MYOM1: variants seen among roughly 807,000 people sequenced by gnomAD.
MYOM1 encodes myomesin-1.
Under a neutral mutation model 205.3 loss-of-function variants are expected in MYOM1, and 164 were observed. That is an observed-to-expected ratio of 0.80 (90% CI 0.70 to 0.91). The LOEUF (loss-of-function observed/expected upper bound fraction) is 0.91. Among genes scored for constraint, MYOM1 ranks in the 40% least tolerant of loss-of-function variants. MYOM1 has a pLI of 0.00. For missense variants in MYOM1, 2,011 were observed against 2,127.3 expected (o/e 0.95, Z 1.08); for synonymous variants, 772 against 789.4 (o/e 0.98, Z 0.37).
the MYOM1 span, among the ~76,000 whole-genome samples, chr18:3,228,792 T>C: frequency 2.0e-5 from 3 of 152,200 alleles, no homozygotes; most frequent in African/African-American, 7.2e-5. The surrounding 1 kb of genome is among the most constrained non-coding windows in gnomAD (Gnocchi z 4.5). Context: ...AGGCCACCAC[T>C]GACCTCTGTC....
intron 37 of MYOM1, among the ~76,000 whole-genome samples, chr18:3,068,715 G>A (rs946970699): frequency 6.6e-6 from 1 of 152,100 alleles, no homozygotes; most frequent in African/African-American, 2.4e-5. Context: ...TGTATCGATA[G>A]TTTATCCCTT....
chr18:3,214,376 T>C (rs2144256099), intron 2 of MYOM1, among the ~76,000 whole-genome samples: 1 of 152,270 alleles, frequency 6.6e-6, no homozygotes, highest in East Asian at 1.9e-4. Flanking sequence ...AATAGCAAAT[T>C]GGCAACACAA....
chr18:3,074,710 C>T (rs944355816), intron 36 of MYOM1, among the ~76,000 whole-genome samples: 4 of 152,190 alleles, frequency 2.6e-5, no homozygotes, highest in Non-Finnish European at 5.9e-5. Flanking sequence ...TAGCTTTTAT[C>T]TCGCAGGGGC....
At position 3,067,222 on chromosome 18, in the gene MYOM1, C is replaced by T. The variant is rs757323515; in HGVS notation, c.*40G>A. 1.3e-6 allele frequency: 2 copies of T among 1,543,656 alleles called. No individual in the cohort carries two copies. The highest frequency in any genetic ancestry group is 2.7e-5 in the African/African-American group (2 of 73,026). On this transcript the variant is annotated 3_prime_UTR_variant, in exon 38 of 38. Transcript: ENST00000356443. Reference sequence around the variant, plus strand: ...CATCCTTAACCCAAACCATTCACACCCAAGTCACACAGGCCGGCTGGCTCT... The same window carrying T: ...CATCCTTAACCCAAACCATTCACACTCAAGTCACACAGGCCGGCTGGCTCT...
At chr18:3,069,261 T>C (rs1459917820) in intron 37 of MYOM1, among the ~76,000 whole-genome samples, 2 of 152,190 alleles carry the variant, frequency 1.3e-5, no homozygotes, top group African/African-American at 2.4e-5. Context: ...AGGTGTGGTG[T>C]GATATTTCAT....
intron 36 of MYOM1, among the ~76,000 whole-genome samples, chr18:3,073,781 C>T (rs1339319190): frequency 6.6e-6 from 1 of 152,228 alleles, no homozygotes; most frequent in Non-Finnish European, 1.5e-5. Context: ...GCACCTTATG[C>T]AGGGGAGGGG....
At chr18:3,112,805 A>G (rs1014199747) in intron 21 of MYOM1, among the ~76,000 whole-genome samples, 1 of 152,174 alleles carries the variant, frequency 6.6e-6, no homozygotes, top group African/African-American at 2.4e-5. Flanking sequence ...TTTCCCCCCA[A>G]TCCTTTTGAG....
At chr18:3,140,346 G>T (rs1275702741) in intron 14 of MYOM1, among the ~76,000 whole-genome samples, 1 of 151,940 alleles carries the variant, frequency 6.6e-6, no homozygotes, top group African/African-American at 2.4e-5. Context: ...GGCGGAGGTT[G>T]CAGTGAGCTG....
At chr18:3,114,938 A>G (rs552912038) in intron 21 of MYOM1, among the ~76,000 whole-genome samples, 1 of 151,048 alleles carries the variant, frequency 6.6e-6, no homozygotes, top group South Asian at 2.1e-4. Context: ...ATTCTTTCAC[A>G]CATTTAAACT....
At chr18:3,151,461 A>T (rs2080220449) in intron 12 of MYOM1, among the ~76,000 whole-genome samples, 1 of 137,132 alleles carries the variant, frequency 7.3e-6, no homozygotes, top group Non-Finnish European at 1.6e-5. Context: ...AAAATAATAA[A>T]ATAAAATAAA....
intron 22 of MYOM1, among the ~76,000 whole-genome samples, chr18:3,104,179 C>T (rs963280259): frequency 2.6e-5 from 4 of 152,128 alleles, no homozygotes; most frequent in Non-Finnish European, 5.9e-5. Context: ...TGAACAAATG[C>T]TTTTATTAAA....
intron 19 of MYOM1, among the ~76,000 whole-genome samples, chr18:3,124,303 C>CT (rs34118507): frequency 0.31 from 40,999 of 130,610 alleles, 7,117 homozygotes; most frequent in Admixed American, 0.38. Context: ...TTTCTTTTTT[C>CT]TTTTTTTTTT....
chr18:3,161,813 T>A (rs2080394681), intron 10 of MYOM1, among the ~76,000 whole-genome samples: 1 of 152,248 alleles, frequency 6.6e-6, no homozygotes, highest in Non-Finnish European at 1.5e-5. Flanking sequence ...CCGTACTTTT[T>A]TGAACCTCAG....
At chr18:3,216,374 T>C (rs1047887491) in intron 1 of MYOM1, among the ~76,000 whole-genome samples, 15 of 152,054 alleles carry the variant, frequency 9.9e-5, no homozygotes, top group African/African-American at 3.4e-4. Flanking sequence ...AGAAAGACAA[T>C]AGAGAAAACA....
At chr18:3,155,409 AGAGATGGG>A (rs1555624304) in intron 10 of MYOM1, among the ~76,000 whole-genome samples, 1 of 152,192 alleles carries the variant, frequency 6.6e-6, no homozygotes, top group Non-Finnish European at 1.5e-5. Context: ...TATTTTTGGT[AGAGATGGG>A]GTTTCACCGT....
intron 18 of MYOM1, 101 bp downstream of exon 18, chr18:3,129,131 C>T: frequency 7.2e-7 from 1 of 1,380,734 alleles, no homozygotes; most frequent in East Asian, 2.5e-5. Context: ...TAAGAATGGA[C>T]ATTGATGAAA....
In MYOM1 at chr18:3,188,918, G is replaced by T; in HGVS notation, c.601C>A (p.Gln201Lys). The change falls in exon 4 of 38, where the codon CAG (glutamine) becomes AAG (lysine). Residue 201 changes from glutamine (Q) to lysine (K), a missense_variant. By Grantham distance (53) the Gln-to-Lys change is moderately conservative. Coordinates refer to ENST00000356443, the MANE Select transcript of MYOM1 (RefSeq NM_003803.4). Reference protein sequence around the residue: ...TASKQSTASKQSTASKQSTAS... With the variant: ...TASKQSTASKKSTASKQSTAS... ...GTGGACTGCTTGGATGCTGTGGACT[G>T]CTTGGATGCCGTGGACTGCTTAGAT... 1 of 1,612,112 alleles carries T rather than the reference G, an allele frequency of 6.2e-7. No individual in the cohort carries two copies. The highest frequency in any genetic ancestry group is 8.5e-7 in the Non-Finnish European group (1 of 1,179,296).
chr18:3,173,732 A>G (rs980872569), intron 8 of MYOM1, among the ~76,000 whole-genome samples: 5 of 152,144 alleles, frequency 3.3e-5, no homozygotes, highest in Non-Finnish European at 2.9e-5. Context: ...TCATAAAACC[A>G]GCACAAAGCA....
In MYOM1 at chr18:3,115,139, T is replaced by G. The variant is rs74929463; in HGVS notation, c.3303+1192A>C. On this transcript the variant is annotated intron_variant, in intron 21 of 37. Transcript: ENST00000356443. ...TTTATTTTACACTGTACTTTGGGGGTTTCTCGGAATCCAGGGACCTCTGGA... is the reference window on the plus strand; with the variant it reads ...TTTATTTTACACTGTACTTTGGGGGGTTCTCGGAATCCAGGGACCTCTGGA... Among the ~76,000 whole-genome samples the G allele has an allele frequency of 8.8e-3, 1,337 of 151,992 alleles. 23 individuals are homozygous for G. The highest frequency in any genetic ancestry group is 0.029 in the African/African-American group (1,213 of 41,438).
Sources: gnomAD v4.1 joint callset for allele counts (sites outside exome capture counted in the v4.1 genomes callset) on GRCh38, gnomAD v4.1.1 for gene constraint, Gnocchi (gnomAD v3.1) non-coding constraint, MANE v1.5 for transcripts, NCBI Gene and HGNC (gene_info 2026-07-23, HGNC 2026-07-21) for gene names.